Variants in PRKDC observed in about 807,000 individuals in gnomAD.
PRKDC encodes the protein DNA-dependent protein kinase catalytic subunit.
A neutral mutation model predicts 486.9 loss-of-function variants in PRKDC; 82 were observed. That is an observed-to-expected ratio of 0.17 (90% CI 0.14 to 0.20). The LOEUF (loss-of-function observed/expected upper bound fraction) is 0.20. PRKDC is among the 10% of genes least tolerant of loss of function. PRKDC has a pLI of 1.00. For missense variants in PRKDC, 4,504 were observed against 5,038.2 expected, an observed-to-expected ratio of 0.89 and a Z score of 3.21; for synonymous variants, 1,895 against 1,837.0, an observed-to-expected ratio of 1.03 and a Z score of -0.81.
intron 21 of PRKDC, among the ~76,000 whole-genome samples, chr8:47,921,329 T>C (rs2090067085): frequency 6.6e-6 from 1 of 152,174 alleles, no homozygotes; most frequent in African/African-American, 2.4e-5. Flanking sequence ...CTGGGTAAAC[T>C]TTTTATTTCC....
chr8:47,954,472 A>C, intron 4 of PRKDC, 26 bp from the exon 5 acceptor site: 1 of 949,056 alleles, frequency 1.1e-6, no homozygotes, highest in Non-Finnish European at 1.5e-6. Context: ...TTAGTACATC[A>C]ATGTAGTGCG....
chr8:47,793,682 C>CAAAAAAAAAA (rs2086924868), intron 74 of PRKDC, among the ~76,000 whole-genome samples: 1 of 86,746 alleles, frequency 1.2e-5, no homozygotes, highest in African/African-American at 5.3e-5. Flanking sequence ...TTTAAAAAAA[C>CAAAAAAAAAA]TAAAAAAAAA....
rs1384404368 is a variant in PRKDC at position 47,800,760 on chromosome 8, GCA to G, written c.10116+31_10116+32del. The G allele has an allele frequency of 1.9e-6, 3 of 1,557,042 alleles. No individual in the cohort carries two copies. The African/African-American group carries it at 4.1e-5, about 21-fold the overall frequency. ...ACACTGCACATTGAAGACATACACA[GCA>G]CACTAGCGTAAAACATTCCTCCAGT... On this transcript the variant is annotated intron_variant, in intron 71 of 85. Transcript: ENST00000314191.
intron 30 of PRKDC, among the ~76,000 whole-genome samples, chr8:47,893,800 TTAAA>T (rs1425587765): frequency 6.6e-6 from 1 of 152,218 alleles, no homozygotes; most frequent in Non-Finnish European, 1.5e-5. Context: ...GCAGTGTTTG[TTAAA>T]TAAGAGAATC....
At chr8:47,867,369 CAA>C (rs1446184975) in intron 40 of PRKDC, among the ~76,000 whole-genome samples, 1 of 152,048 alleles carries the variant, frequency 6.6e-6, no homozygotes, top group Non-Finnish European at 1.5e-5. Context: ...AAAGAAAAAA[CAA>C]AATTTCTAAA....
chr8:47,959,949 G>T (rs1459725612), intron 1 of PRKDC, 24 bp downstream of exon 1: 1 of 1,464,508 alleles, frequency 6.8e-7, no homozygotes, highest in Non-Finnish European at 9.1e-7. Context: ...ACCCACCCGC[G>T]GCCCAGCTCG....
At chr8:47,830,074 C>T (rs1324342685) in intron 61 of PRKDC, among the ~76,000 whole-genome samples, 6 of 152,158 alleles carry the variant, frequency 3.9e-5, no homozygotes, top group African/African-American at 1.4e-4. Context: ...GGTACAAAAA[C>T]AGACACACAG....
chr8:47,918,160 A>G, intron 22 of PRKDC, 117 bp downstream of exon 22: 1 of 643,054 alleles, frequency 1.6e-6, no homozygotes, highest in Non-Finnish European at 2.5e-6. Context: ...TTTATATTGT[A>G]CTCTACTTTG....
chr8:47,822,587 G>A (rs1002135278), intron 64 of PRKDC, among the ~76,000 whole-genome samples: 2 of 151,834 alleles, frequency 1.3e-5, no homozygotes, highest in African/African-American at 4.8e-5. Context: ...TCAGGAGATC[G>A]AGACCATCCT....
chr8:47,891,134 G>A (rs997991486), intron 31 of PRKDC, among the ~76,000 whole-genome samples: 1 of 152,114 alleles, frequency 6.6e-6, no homozygotes, highest in Admixed American at 6.5e-5. Flanking sequence ...GGACTCTCCT[G>A]CTTAATGAAA....
rs1011580349 is a variant in PRKDC at position 47,913,937 on chromosome 8, T to A, written c.2745A>T (p.Thr915=). The A allele has an allele frequency of 1.2e-6, 2 of 1,611,474 alleles. No individual in the cohort carries two copies. The highest frequency in any genetic ancestry group is 2.7e-5 in the African/African-American group (2 of 74,948). ...IFLDVFLPRV[T]ELALTASDRQ... ...TGTCACTGGCTGTGAGCGCTAATTC[T>A]GTGACTCGAGGCAGGAACACATCCA... The change falls in exon 24 of 86, where the codon ACA becomes ACT. Residue 915 remains threonine, a synonymous_variant. Transcript: ENST00000314191.
At chr8:47,931,463 G>T (rs2090250980) in intron 16 of PRKDC, among the ~76,000 whole-genome samples, 1 of 151,872 alleles carries the variant, frequency 6.6e-6, no homozygotes. Flanking sequence ...AGGTCTGTCA[G>T]CTGACACAGT....
At chr8:47,889,264 C>G (rs376486564) in intron 32 of PRKDC, 42 bp from the exon 33 acceptor site, 1 of 1,513,412 alleles carries the variant, frequency 6.6e-7, no homozygotes. Context: ...TCAGCCAGCA[C>G]TTCTATTTTC....
intron 11 of PRKDC, among the ~76,000 whole-genome samples, chr8:47,939,044 T>A (rs2090397570): frequency 1.3e-5 from 2 of 152,178 alleles, no homozygotes; most frequent in African/African-American, 4.8e-5. Flanking sequence ...TTCTGTCAAT[T>A]CTGAGTCTCT....
intron 76 of PRKDC, among the ~76,000 whole-genome samples, chr8:47,787,808 C>T (rs2086815846): frequency 6.6e-6 from 1 of 152,164 alleles, no homozygotes; most frequent in Non-Finnish European, 1.5e-5. Context: ...TATGTGGAGG[C>T]CCTGCTGCTA....
chr8:47,909,236 C>G (rs1043978161), intron 25 of PRKDC, among the ~76,000 whole-genome samples: 1 of 152,144 alleles, frequency 6.6e-6, no homozygotes, highest in African/African-American at 2.4e-5. Flanking sequence ...GGCAGAAGAA[C>G]GTAAATTGTG....
chr8:47,868,966 G>C (rs934148414), intron 40 of PRKDC, among the ~76,000 whole-genome samples: 6 of 152,122 alleles, frequency 3.9e-5, no homozygotes, highest in Admixed American at 3.3e-4. Context: ...CACTCACTGG[G>C]AGAACATTTA....
chr8:47,852,703 A>T lies in PRKDC; in HGVS notation c.6975T>A (p.Leu2325=). 1 of 1,577,228 alleles carries T rather than the reference A, an allele frequency of 6.3e-7. No individual in the cohort carries two copies. The highest frequency in any genetic ancestry group is 8.6e-7 in the Non-Finnish European group (1 of 1,159,414). ...VYAAAAEVLG[L]ILRYVMERKN... ...TTCTCTCCATAACATATCGAAGTAT[A>T]AGTCCTAGAACTTCTGCTGCAGCGG... The change falls in exon 52 of 86, where the codon CTT becomes CTA. Residue 2325 remains leucine, a synonymous_variant. Coordinates refer to ENST00000314191, the MANE Select transcript of PRKDC (RefSeq NM_006904.7).
At chr8:47,866,956 T>A (rs1490309592) in intron 40 of PRKDC, among the ~76,000 whole-genome samples, 1 of 152,156 alleles carries the variant, frequency 6.6e-6, no homozygotes, top group Non-Finnish European at 1.5e-5. Flanking sequence ...CAGGCTGGTC[T>A]CAAACTCCTG....
Sources: gnomAD v4.1 joint callset for allele counts (sites outside exome capture counted in the v4.1 genomes callset) on GRCh38, gnomAD v4.1.1 for gene constraint, MANE v1.5 for transcripts, NCBI Gene and HGNC (gene_info 2026-07-23, HGNC 2026-07-21) for gene names.